Variants in LTV1 observed in about 807,000 individuals in gnomAD.
The protein encoded by LTV1 is protein LTV1 homolog.
A neutral mutation model predicts 59.9 loss-of-function variants in LTV1; 39 were observed. That is an observed-to-expected ratio of 0.65 (90% CI 0.50 to 0.85). LTV1 has a LOEUF of 0.85. LTV1 is among the 40% of genes least tolerant of loss of function. LTV1 has a pLI of 0.00. For synonymous variants in LTV1, 171 were observed against 189.5 expected (o/e 0.90, Z 0.80); for missense variants, 493 against 549.1 (o/e 0.90, Z 1.02).
intron 4 of LTV1, among the ~76,000 whole-genome samples, chr6:143,856,748 G>A (rs1279556132): frequency 6.6e-6 from 1 of 152,194 alleles, no homozygotes; most frequent in Non-Finnish European, 1.5e-5. Flanking sequence ...GTTTGCCTGG[G>A]TATCACCAGC....
chr6:143,856,727 G>C (rs6918125), intron 4 of LTV1, among the ~76,000 whole-genome samples: 49,222 of 152,044 alleles, frequency 0.32, 8,478 homozygotes, highest in East Asian at 0.53. Context: ...TGGAGGTCCA[G>C]TCCAGTCCCT....
Position 143,855,764 on chromosome 6 carries a change from A to G in LTV1, c.398-1539A>G, listed in dbSNP as rs1275425427. Among the ~76,000 whole-genome samples, 1 of 152,194 alleles carries G rather than the reference A, an allele frequency of 6.6e-6. No individual in the cohort carries two copies. Among genetic ancestry groups the G allele is most frequent in the Non-Finnish European group, 1.5e-5 (1 of 68,032 alleles). ...ATTCTTTACTTTAAGGATGTTGAGT[A>G]TTGGCCCCCACTTTCTTCTGACTTG... On this transcript the variant is annotated intron_variant, in intron 4 of 10. Coordinates refer to ENST00000367576, the MANE Select transcript of LTV1 (RefSeq NM_032860.5). The surrounding 1 kb of genome is among the most constrained non-coding windows in gnomAD (Gnocchi z 4.6).
At chr6:143,844,451 T>C (rs1776854671) in intron 1 of LTV1, 35 bp from the exon 2 acceptor site, 1 of 1,608,774 alleles carries the variant, frequency 6.2e-7, no homozygotes, top group African/African-American at 1.3e-5. Flanking sequence ...TTTTGTTCTG[T>C]TTTAATTAAT....
In LTV1 at chr6:143,862,067, C is replaced by T; in HGVS notation, c.924-37C>T. On this transcript the variant is annotated intron_variant, in intron 7 of 10. Transcript: ENST00000367576. This position sits in a 1 kb window ranked among gnomAD's most constrained non-coding sequence, Gnocchi z 4.2. Reference sequence around the variant, plus strand: ...TAGTATAATAATAGGTCATTTTTCCCCCTCTTGGTCTTCACTTTTAAAAAC... The same window carrying T: ...TAGTATAATAATAGGTCATTTTTCCTCCTCTTGGTCTTCACTTTTAAAAAC... 2 of 1,588,526 alleles carry T rather than the reference C, an allele frequency of 1.3e-6. No individual in the cohort carries two copies. Among genetic ancestry groups the T allele is most frequent in the Non-Finnish European group, 1.7e-6 (2 of 1,170,162 alleles).
intron 2 of LTV1, 132 bp from the exon 3 acceptor site, chr6:143,845,919 T>A: frequency 1.4e-6 from 1 of 720,608 alleles, no homozygotes; most frequent in Non-Finnish European, 2.2e-6. Flanking sequence ...GCCAAAATGT[T>A]CATGTGCCAT....
At position 143,843,401 on chromosome 6, in the gene LTV1, T is replaced by C. The variant is rs1298170215; in HGVS notation, c.-77T>C. ...GAGGCCTACAGAAGCGGCCTTCAGC[T>C]GGACCTTGGTCTCCCCGCCGGACTT... On this transcript the variant is annotated 5_prime_UTR_variant, in exon 1 of 11. Coordinates refer to ENST00000367576, the MANE Select transcript of LTV1 (RefSeq NM_032860.5). The C allele has an allele frequency of 8.8e-6, 14 of 1,593,674 alleles. No homozygotes were observed. Among genetic ancestry groups the C allele is most frequent in the Non-Finnish European group, 1.2e-5 (14 of 1,165,706 alleles).
chr6:143,862,311 G>T lies in LTV1; in HGVS notation c.1063+68G>T. On this transcript the variant is annotated intron_variant, in intron 8 of 10. Transcript: ENST00000367576. The surrounding 1 kb of genome is among the most constrained non-coding windows in gnomAD (Gnocchi z 4.2). ...GTATATCAACTTTAGGCTGGGTGCG[G>T]TGCCTCACGCCTGTAGTAATCCCAG... 1.4e-6 allele frequency: 2 copies of T among 1,417,206 alleles called. No individual in the cohort carries two copies. The highest frequency in any genetic ancestry group is 2.0e-6 in the Non-Finnish European group (2 of 1,025,484). 87.8% of individuals were successfully genotyped at this position (1,417,206 alleles called of 1,614,324 possible).
chr6:143,854,789 G>C (rs1200204871), intron 4 of LTV1, among the ~76,000 whole-genome samples: 1 of 152,184 alleles, frequency 6.6e-6, no homozygotes, highest in Non-Finnish European at 1.5e-5. Context: ...GTTCTAATTT[G>C]ATTGCAGTGT....
intron 2 of LTV1, 147 bp from the exon 3 acceptor site, chr6:143,845,904 C>T: frequency 4.8e-6 from 3 of 620,814 alleles, no homozygotes; most frequent in East Asian, 6.0e-5. Context: ...GTCTTTTTCC[C>T]ATCAGCCAAA....
At position 143,859,891 on chromosome 6, in the gene LTV1, C is replaced by G. The variant is rs145588128; in HGVS notation, c.796-535C>G. Among the ~76,000 whole-genome samples the G allele has an allele frequency of 2.1e-3, 320 of 152,136 alleles. 2 individuals are homozygous for G. Among genetic ancestry groups the G allele is most frequent in the African/African-American group, 7.5e-3 (311 of 41,494 alleles). On this transcript the variant is annotated intron_variant, in intron 6 of 10. Coordinates refer to ENST00000367576, the MANE Select transcript of LTV1 (RefSeq NM_032860.5). ...GGCCGAAGCAGATGGATCACTTGAG[C>G]CTAGGAGTTTGAGACTGTCTTGGGC...
chr6:143,846,341 C>G, intron 3 of LTV1, 117 bp downstream of exon 3: 1 of 887,230 alleles, frequency 1.1e-6, no homozygotes, highest in Non-Finnish European at 1.7e-6. Context: ...ATAGACCACG[C>G]CTCCACTTAA....
intron 4 of LTV1, among the ~76,000 whole-genome samples, chr6:143,852,567 A>T (rs1247400652): frequency 6.6e-6 from 1 of 152,012 alleles, no homozygotes; most frequent in East Asian, 1.9e-4. Flanking sequence ...AAGCTCTTTA[A>T]TTTAATTAGA....
chr6:143,854,203 T>A (rs932241377), intron 4 of LTV1, among the ~76,000 whole-genome samples: 1 of 152,224 alleles, frequency 6.6e-6, no homozygotes, highest in African/African-American at 2.4e-5. Flanking sequence ...CAGGAATTTA[T>A]CCATTTCTTC....
intron 6 of LTV1, chr6:143,858,564 T>C (rs1777116175): frequency 6.5e-6 from 1 of 154,976 alleles, no homozygotes; most frequent in African/African-American, 2.4e-5. Context: ...AAGCCTAAAA[T>C]GGTGTCTTGG....
At chr6:143,850,464 A>G (rs1286109498) in intron 4 of LTV1, among the ~76,000 whole-genome samples, 1 of 152,178 alleles carries the variant, frequency 6.6e-6, no homozygotes, top group Non-Finnish European at 1.5e-5. Context: ...TTGGTAATCT[A>G]GTTAGGGGAA....
At chr6:143,848,588 G>A (rs1018579754) in intron 3 of LTV1, among the ~76,000 whole-genome samples, 2 of 152,166 alleles carry the variant, frequency 1.3e-5, no homozygotes, top group Non-Finnish European at 2.9e-5. Flanking sequence ...AGGGCAGGTG[G>A]TGAGGTGCAC....
chr6:143,847,083 A>G (rs1219591563), intron 3 of LTV1, among the ~76,000 whole-genome samples: 1 of 152,188 alleles, frequency 6.6e-6, no homozygotes, highest in Non-Finnish European at 1.5e-5. Context: ...TACCATCCCA[A>G]AGAAAGGTAA....
chr6:143,846,173 C>G lies in LTV1; in HGVS notation c.258C>G (p.Thr86=). 1.2e-6 allele frequency: 2 copies of G among 1,614,178 alleles called. No individual in the cohort carries two copies. The highest frequency in any genetic ancestry group is 3.3e-4 in the Middle Eastern group (2 of 6,062). The part of the protein sequence containing the change: ...SGPSELIPSS[T]FSAHNRREEK... Reference sequence around the variant, plus strand: ...CTTCAGAGCTTATTCCCTCAAGTACCTTCAGTGCACACAACAGGAGAGAGG... The same window carrying G: ...CTTCAGAGCTTATTCCCTCAAGTACGTTCAGTGCACACAACAGGAGAGAGG... Residue 86 remains threonine (T), a synonymous_variant, in exon 3 of 11, where the codon ACC becomes ACG. Transcript: ENST00000367576.
intron 7 of LTV1, among the ~76,000 whole-genome samples, chr6:143,860,930 C>G (rs1232480492): frequency 6.7e-6 from 1 of 149,998 alleles, no homozygotes; most frequent in African/African-American, 2.5e-5. Flanking sequence ...GAGTCTTGCT[C>G]TGTTGCCCAG....
Sources: gnomAD v4.1 joint callset for allele counts (sites outside exome capture counted in the v4.1 genomes callset) on GRCh38, gnomAD v4.1.1 for gene constraint, Gnocchi (gnomAD v3.1) non-coding constraint, MANE v1.5 for transcripts, NCBI Gene and HGNC (gene_info 2026-07-23, HGNC 2026-07-21) for gene names.